The following CAV3 variants were observed in gnomAD, a reference collection of about 807,000 sequenced individuals.
CAV3 encodes caveolin-3.
A neutral mutation model predicts 13.4 loss-of-function variants in CAV3; 10 were observed. That is an observed-to-expected ratio of 0.75 (90% CI 0.46 to 1.27). The LOEUF (loss-of-function observed/expected upper bound fraction) is 1.27, where lower values mean the gene tolerates loss of function less well. Among genes scored for constraint, CAV3 ranks in the 50% most tolerant of loss-of-function variants. The pLI, the probability that CAV3 is intolerant of heterozygous loss-of-function variation, is 0.00. For synonymous variants in CAV3, 90 were observed against 79.0 expected (o/e 1.14, Z -0.74); for missense variants, 162 against 194.0 (o/e 0.83, Z 0.98).
Position 8,746,118 on chromosome 3 carries a change from A to G in CAV3, c.*251A>G. On this transcript the variant is annotated 3_prime_UTR_variant, in exon 2 of 2. Coordinates refer to ENST00000343849, the MANE Select transcript of CAV3 (RefSeq NM_033337.3). ...TGGGCGTGGGGGAAGATCATTTGCCAAGAGGCAGCTACTGCAAGTCTTTGC... is the reference window on the plus strand; with the variant it reads ...TGGGCGTGGGGGAAGATCATTTGCCGAGAGGCAGCTACTGCAAGTCTTTGC... 2.1e-6 allele frequency: 1 copy of G among 486,726 alleles called. No individual in the cohort carries two copies. Among genetic ancestry groups the G allele is most frequent in the Non-Finnish European group, 3.7e-6 (1 of 269,532 alleles). The allele number at this position is 486,726 out of a possible 1,614,324, so 30.2% of individuals were successfully genotyped here. A position where few individuals can be genotyped will look rare whatever the true frequency, so the allele number is the denominator to read the frequency against.
At chr3:8,735,784 G>A (rs1394298062) in intron 1 of CAV3, among the ~76,000 whole-genome samples, 1 of 152,166 alleles carries the variant, frequency 6.6e-6, no homozygotes, top group African/African-American at 2.4e-5. Context: ...TGCCAGAAGT[G>A]CCTGTCCTCT....
At chr3:8,738,257 T>A (rs1464550640) in intron 1 of CAV3, among the ~76,000 whole-genome samples, 1 of 152,078 alleles carries the variant, frequency 6.6e-6, no homozygotes, top group Admixed American at 6.5e-5. Flanking sequence ...ATGATACTAC[T>A]CCCCAACCCC....
chr3:8,735,007 C>T (rs903238954), intron 1 of CAV3, among the ~76,000 whole-genome samples: 5 of 152,206 alleles, frequency 3.3e-5, no homozygotes, highest in African/African-American at 1.2e-4. Context: ...GACTCCACAA[C>T]TGGCTCAGAG....
intron 1 of CAV3, among the ~76,000 whole-genome samples, chr3:8,734,663 G>A (rs923898401): frequency 6.6e-6 from 1 of 152,184 alleles, no homozygotes; most frequent in Non-Finnish European, 1.5e-5. Context: ...GACACTAGCG[G>A]CCCTGCTGCC....
At chr3:8,743,006 G>C (rs1232273573) in intron 1 of CAV3, among the ~76,000 whole-genome samples, 1 of 152,162 alleles carries the variant, frequency 6.6e-6, no homozygotes, top group Non-Finnish European at 1.5e-5. Context: ...GAAGGCAAAG[G>C]GGGAGCTGGC....
intron 1 of CAV3, among the ~76,000 whole-genome samples, chr3:8,741,225 C>T (rs2268488): frequency 0.16 from 25,087 of 152,106 alleles, 2,267 homozygotes; most frequent in Non-Finnish European, 0.21. Flanking sequence ...TTTTGCAAAA[C>T]GCAACAAAAA....
intron 1 of CAV3, chr3:8,742,315 C>A: frequency 3.6e-6 from 1 of 278,374 alleles, no homozygotes; most frequent in South Asian, 3.2e-5. Context: ...AAAGGCAATC[C>A]CTGGAAATAA....
At chr3:8,734,751 C>T (rs1046585020) in intron 1 of CAV3, among the ~76,000 whole-genome samples, 2 of 152,114 alleles carry the variant, frequency 1.3e-5, no homozygotes, top group African/African-American at 4.8e-5. Context: ...GACAGTCTCT[C>T]TCTGTCCCCA....
rs773251730 is a variant in CAV3 at position 8,745,875 on chromosome 3, T to C, written c.*8T>C. 3 of 1,607,088 alleles carry C rather than the reference T, an allele frequency of 1.9e-6. No homozygotes were observed. Among genetic ancestry groups the C allele is most frequent in the Non-Finnish European group, 1.7e-6 (2 of 1,176,634 alleles). Reference sequence around the variant, plus strand: ...CTGCGGAAGGAGGTCTAAAGCCAGGTGGGGCAACAGCGGTGGCAGGGCAGG... The same window carrying C: ...CTGCGGAAGGAGGTCTAAAGCCAGGCGGGGCAACAGCGGTGGCAGGGCAGG... On this transcript the variant is annotated 3_prime_UTR_variant, in exon 2 of 2. Transcript: ENST00000343849. This position sits in a 1 kb window ranked among gnomAD's most constrained non-coding sequence, Gnocchi z 4.8.
In CAV3 at chr3:8,743,847, T is replaced by C. The variant is rs148607692; in HGVS notation, c.115-1679T>C. Among the ~76,000 whole-genome samples, 3 of 152,360 alleles carry C rather than the reference T, an allele frequency of 2.0e-5. No individual in the cohort carries two copies. The East Asian group carries it at 5.8e-4, about 29-fold the overall frequency. ...AAATGCACCAAAACAATCATATCTT[T>C]AGTAATAGAGAAGTACAAACCCAAG... On this transcript the variant is annotated intron_variant, in intron 1 of 1. Transcript: ENST00000343849.
chr3:8,737,723 C>T (rs1485771550), intron 1 of CAV3, among the ~76,000 whole-genome samples: 2 of 152,182 alleles, frequency 1.3e-5, no homozygotes, highest in Non-Finnish European at 2.9e-5. Context: ...TGTGCTGTCC[C>T]AGAGGACGTA....
Position 8,745,964 on chromosome 3 carries a change from CT to C in CAV3, c.*100del. On this transcript the variant is annotated 3_prime_UTR_variant, in exon 2 of 2. Transcript: ENST00000343849. The surrounding 1 kb of genome is among the most constrained non-coding windows in gnomAD (Gnocchi z 4.8). ...CAGGGGCTGCTGGCGAGCTCTTTCTCTTTAGGGACTGCTCCATACCCCATGA... is the reference window on the plus strand; with the variant it reads ...CAGGGGCTGCTGGCGAGCTCTTTCTCTTAGGGACTGCTCCATACCCCATGA... 1 of 946,638 alleles carries C rather than the reference CT, an allele frequency of 1.1e-6. No individual in the cohort carries two copies. The highest frequency in any genetic ancestry group is 1.6e-6 in the Non-Finnish European group (1 of 620,336). The allele number at this position is 946,638 out of a possible 1,614,324, so 58.6% of individuals were successfully genotyped here. A position where few individuals can be genotyped will look rare whatever the true frequency, so the allele number is the denominator to read the frequency against.
rs1575478070 is a variant in CAV3, at chr3:8,745,849, G to A, written c.438G>A (p.Val146=). The change falls in exon 2 of 2, where the codon GTG becomes GTA. Residue 146 remains valine, a synonymous_variant. Transcript: ENST00000343849. This position sits in a 1 kb window ranked among gnomAD's most constrained non-coding sequence, Gnocchi z 4.8. The part of the protein sequence containing the change: ...LGQVCSSIKV[V]LRKEV ...AGGTCTGCAGCAGCATCAAGGTGGT[G>A]CTGCGGAAGGAGGTCTAAAGCCAGG... is the stretch of plus-strand genomic sequence containing the variant. The A allele has an allele frequency of 4.3e-6, 7 of 1,612,398 alleles. No individual in the cohort carries two copies. In the Admixed American group the frequency reaches 6.7e-5, roughly 15 times the overall value.
chr3:8,737,979 T>TCTCTCTC (rs1214168526), intron 1 of CAV3, among the ~76,000 whole-genome samples: 2 of 152,156 alleles, frequency 1.3e-5, no homozygotes. Flanking sequence ...GCATGCTCTC[T>TCTCTCTC]CTCTCTGCTC....
chr3:8,746,032 C>T lies in CAV3; in HGVS notation c.*165C>T, dbSNP rs1708151195. ...GGGAAGCCAGAAAGAAAAGACGGCCCAGCCACAGAAGCACAATGGCCCTTC... is the reference window on the plus strand; with the variant it reads ...GGGAAGCCAGAAAGAAAAGACGGCCTAGCCACAGAAGCACAATGGCCCTTC... On this transcript the variant is annotated 3_prime_UTR_variant, in exon 2 of 2. Transcript: ENST00000343849. The T allele has an allele frequency of 3.3e-6, 2 of 611,010 alleles. No individual in the cohort carries two copies. Among genetic ancestry groups the T allele is most frequent in the Admixed American group, 2.9e-5 (1 of 33,942 alleles). The allele number at this position is 611,010 out of a possible 1,614,324, so 37.8% of individuals were successfully genotyped here.
intron 1 of CAV3, among the ~76,000 whole-genome samples, chr3:8,737,391 T>G (rs1707793761): frequency 6.6e-6 from 1 of 152,112 alleles, no homozygotes; most frequent in South Asian, 2.1e-4. Flanking sequence ...CACGGCCGTT[T>G]CACATTTAAA....
At position 8,745,787 on chromosome 3, in the gene CAV3, C is replaced by T. The variant is rs776563500; in HGVS notation, c.376C>T (p.Arg126Cys). 14 of 1,613,908 alleles carry T rather than the reference C, an allele frequency of 8.7e-6. No individual in the cohort carries two copies. The highest frequency in any genetic ancestry group is 4.0e-5 in the African/African-American group (3 of 74,908). Residue 126 changes from arginine (R) to cysteine (C), a missense_variant, in exon 2 of 2, where the codon CGC becomes TGC. By Grantham distance (180) the Arg-to-Cys change is radical. Transcript: ENST00000343849. The surrounding 1 kb of genome is among the most constrained non-coding windows in gnomAD (Gnocchi z 4.8). ...CISHIYSLCI[R>C]TFCNPLFAAL... ...CAGCCACATCTACTCACTCTGCATC[C>T]GCACCTTCTGCAACCCACTCTTCGC...
rs13060135 is a variant in CAV3 at position 8,745,437 on chromosome 3, G to T, written c.115-89G>T. ...GCCACCAAGGTTAACCTGACCTCTAGGGGATTCTGACACATGCACGCACAC... is the reference window on the plus strand; with the variant it reads ...GCCACCAAGGTTAACCTGACCTCTATGGGATTCTGACACATGCACGCACAC... On this transcript the variant is annotated intron_variant, in intron 1 of 1. Transcript: ENST00000343849. This position sits in a 1 kb window ranked among gnomAD's most constrained non-coding sequence, Gnocchi z 4.8. 117,288 of 996,752 alleles carry T rather than the reference G, an allele frequency of 0.12. 8,360 individuals are homozygous for T. Among genetic ancestry groups the T allele is most frequent in the Non-Finnish European group, 0.15 (94,912 of 631,680 alleles). 61.7% of individuals were successfully genotyped at this position (996,752 alleles called of 1,614,324 possible). A position where few individuals can be genotyped will look rare whatever the true frequency, so the allele number is the denominator to read the frequency against.
intron 1 of CAV3, chr3:8,742,630 A>G (rs1323515401): frequency 2.8e-5 from 12 of 430,118 alleles, no homozygotes; most frequent in Non-Finnish European, 5.6e-5. Context: ...ATCACTGAGC[A>G]ATATTACCAT....
Sources: gnomAD v4.1 joint callset for allele counts (sites outside exome capture counted in the v4.1 genomes callset) on GRCh38, gnomAD v4.1.1 for gene constraint, Gnocchi (gnomAD v3.1) non-coding constraint, MANE v1.5 for transcripts, NCBI Gene and HGNC (gene_info 2026-07-23, HGNC 2026-07-21) for gene names.